Variants in DMXL2 observed in about 807,000 individuals in gnomAD.
DMXL2 encodes dmX-like protein 2.
DMXL2 carries 103 observed loss-of-function variants against 331.1 expected under a neutral mutation model. The observed-to-expected ratio is 0.31, with a 90% CI of 0.27 to 0.37. The LOEUF (loss-of-function observed/expected upper bound fraction) is 0.37, where lower values mean the gene tolerates loss of function less well. Ranked by LOEUF, DMXL2 falls within the 10% of genes least tolerant of loss-of-function variation. The probability of loss-of-function intolerance (pLI) is 1.00; values close to 1 mark genes in which losing one functional copy is unlikely to be tolerated. For synonymous variants in DMXL2, 1,281 were observed against 1,252.1 expected, an observed-to-expected ratio of 1.02 and a Z score of -0.49; for missense variants, 3,171 against 3,642.9, an observed-to-expected ratio of 0.87 and a Z score of 3.33.
chr15:51,501,605 G>C (rs919424632), intron 17 of DMXL2, among the ~76,000 whole-genome samples: 4 of 152,130 alleles, frequency 2.6e-5, no homozygotes, highest in African/African-American at 7.2e-5. Flanking sequence ...CCAAAGTGTA[G>C]GCAAGACACC....
chr15:51,564,013 G>T, intron 5 of DMXL2, 112 bp downstream of exon 5: 2 of 1,145,740 alleles, frequency 1.7e-6, no homozygotes, highest in Non-Finnish European at 1.2e-6. Flanking sequence ...TACTTTCTAG[G>T]CATCTAAATG....
chr15:51,458,656 T>A, intron 35 of DMXL2, 29 bp from the exon 36 acceptor site: 1 of 1,613,966 alleles, frequency 6.2e-7, no homozygotes, highest in Non-Finnish European at 8.5e-7. Context: ...ATCGATGATT[T>A]AAGCAATTTC....
intron 1 of DMXL2, among the ~76,000 whole-genome samples, chr15:51,595,754 G>C (rs912974435): frequency 6.6e-6 from 1 of 152,150 alleles, no homozygotes; most frequent in African/African-American, 2.4e-5. Flanking sequence ...AGAGCCCTCA[G>C]AAATAATGCC....
At chr15:51,498,063 T>G (rs1314776999) in intron 18 of DMXL2, among the ~76,000 whole-genome samples, 2 of 151,934 alleles carry the variant, frequency 1.3e-5, no homozygotes, top group African/African-American at 4.8e-5. Context: ...GGAGACCTAG[T>G]CCCTACAAAA....
chr15:51,569,583 G>A (rs1349517619), intron 2 of DMXL2, among the ~76,000 whole-genome samples: 1 of 152,142 alleles, frequency 6.6e-6, no homozygotes, highest in African/African-American at 2.4e-5. Flanking sequence ...GGAGAGCTCT[G>A]CCCGGCATCT....
At position 51,451,773 on chromosome 15, in the gene DMXL2, C is replaced by A. The variant is rs879209884; in HGVS notation, c.8697-76G>T. 3.1e-5 allele frequency: 41 copies of A among 1,307,012 alleles called. No homozygotes were observed. In the South Asian group the frequency reaches 4.9e-4, roughly 16 times the overall value. 81.0% of individuals were successfully genotyped at this position (1,307,012 alleles called of 1,614,324 possible). On this transcript the variant is annotated intron_variant, in intron 41 of 43. Transcript: ENST00000560891. Reference sequence around the variant, plus strand: ...TCGTCATCAGGGACAACCTGTCTTTCAGTCAAATATTTTGCTTATTCATTC... The same window carrying A: ...TCGTCATCAGGGACAACCTGTCTTTAAGTCAAATATTTTGCTTATTCATTC...
chr15:51,607,311 C>G (rs1156919479), intron 1 of DMXL2, among the ~76,000 whole-genome samples: 1 of 151,976 alleles, frequency 6.6e-6, no homozygotes, highest in East Asian at 1.9e-4. Flanking sequence ...AAAAAATTAG[C>G]CAGGCACGGT....
intron 8 of DMXL2, among the ~76,000 whole-genome samples, chr15:51,544,999 C>T (rs12441222): frequency 0.016 from 2,452 of 152,024 alleles, 59 homozygotes; most frequent in Middle Eastern, 0.057. Flanking sequence ...ATCATTTGTG[C>T]TATGTGTTAT....
chr15:51,499,258 A>G lies in DMXL2; in HGVS notation c.3966T>C (p.Phe1322=). ...VEGTAISDDV[F]CSPTVIQDGG... ...CATCTTGAATTACAGTTGGTGAACAAAAAACATCATCAGAAATAGCTGTTC... is the reference window on the plus strand; with the variant it reads ...CATCTTGAATTACAGTTGGTGAACAGAAAACATCATCAGAAATAGCTGTTC... Residue 1322 remains phenylalanine (F), a synonymous_variant, in exon 18 of 44, where the codon TTT becomes TTC. Transcript: ENST00000560891. The G allele has an allele frequency of 6.2e-7, 1 of 1,613,998 alleles. No homozygotes were observed. Among genetic ancestry groups the G allele is most frequent in the East Asian group, 2.2e-5 (1 of 44,874 alleles).
rs1465886664 is a variant in DMXL2 at position 51,622,740 on chromosome 15, C to A, written c.-195G>T. ...GCCATGGGAGCTCCTCGACCGCCGCCGCCGCCCGGGTCGCCGCTCAGCTGC... is the reference window on the plus strand; with the variant it reads ...GCCATGGGAGCTCCTCGACCGCCGCAGCCGCCCGGGTCGCCGCTCAGCTGC... On this transcript the variant is annotated 5_prime_UTR_variant, in exon 1 of 44. Coordinates refer to ENST00000560891, the MANE Select transcript of DMXL2 (RefSeq NM_001378457.1). The A allele has an allele frequency of 1.2e-5, 13 of 1,089,862 alleles. No homozygotes were observed. Among genetic ancestry groups the A allele is most frequent in the African/African-American group, 1.6e-5 (1 of 61,004 alleles). The allele number at this position is 1,089,862 out of a possible 1,614,324, so 67.5% of individuals were successfully genotyped here.
intron 32 of DMXL2, among the ~76,000 whole-genome samples, chr15:51,464,074 T>C (rs1464806371): frequency 6.6e-6 from 1 of 152,144 alleles, no homozygotes; most frequent in Non-Finnish European, 1.5e-5. Flanking sequence ...ATATATAGAT[T>C]GTTAGAAAAA....
At chr15:51,593,160 C>T (rs1018667841) in intron 1 of DMXL2, among the ~76,000 whole-genome samples, 1 of 152,168 alleles carries the variant, frequency 6.6e-6, no homozygotes, top group Non-Finnish European at 1.5e-5. Flanking sequence ...GTGCTGTATT[C>T]AGGAAACCCA....
At chr15:51,597,222 C>T (rs2052887568) in intron 1 of DMXL2, among the ~76,000 whole-genome samples, 1 of 152,144 alleles carries the variant, frequency 6.6e-6, no homozygotes, top group South Asian at 2.1e-4. Flanking sequence ...TAACCACCAC[C>T]CAAGAAGAGA....
rs768200194 is a variant in DMXL2, at chr15:51,536,630, A to G, written c.1850T>C (p.Ile617Thr). The G allele has an allele frequency of 6.2e-7, 1 of 1,614,118 alleles. No individual in the cohort carries two copies. The highest frequency in any genetic ancestry group is 8.5e-7 in the Non-Finnish European group (1 of 1,179,984). Residue 617 changes from isoleucine (I) to threonine (T), a missense_variant, in exon 12 of 44, where the codon ATA becomes ACA. Coordinates refer to ENST00000560891, the MANE Select transcript of DMXL2 (RefSeq NM_001378457.1). ...APTVMMISKH[I>T]DGSLNQWAVT... ...TGCCCACTGATTTAAAGAACCATCT[A>G]TGTGTTTAGAGATCATCATTACTGT...
At chr15:51,604,900 T>C (rs1226286703) in intron 1 of DMXL2, among the ~76,000 whole-genome samples, 1 of 152,160 alleles carries the variant, frequency 6.6e-6, no homozygotes, top group African/African-American at 2.4e-5. Flanking sequence ...GAGACATAGA[T>C]CAGTGCAACA....
chr15:51,545,284 A>T lies in DMXL2; in HGVS notation c.930+299T>A, dbSNP rs74013294. Among the ~76,000 whole-genome samples, 1,111 of 152,270 alleles carry T rather than the reference A, an allele frequency of 7.3e-3. 17 individuals carry two copies. The highest frequency in any genetic ancestry group is 0.026 in the African/African-American group (1,068 of 41,558). On this transcript the variant is annotated intron_variant, in intron 8 of 43. Coordinates refer to ENST00000560891, the MANE Select transcript of DMXL2 (RefSeq NM_001378457.1). ...CTAATACTTAGTCCCATAGATTTTC[A>T]CATGTGACATGCAAAACAAAAGAAT...
At position 51,465,784 on chromosome 15, in the gene DMXL2, A is replaced by T. The variant is rs567588846; in HGVS notation, c.7521-133T>A. On this transcript the variant is annotated intron_variant, in intron 30 of 43. Transcript: ENST00000560891. ...AAGCTGTCATTGAAATTTACTATGC[A>T]AAAATGGCACCTCTGTGGTCACTGA... 22 of 657,598 alleles carry T rather than the reference A, an allele frequency of 3.3e-5. No homozygotes were observed. In the African/African-American group the frequency reaches 3.6e-4, roughly 11 times the overall value. The allele number at this position is 657,598 out of a possible 1,614,324, so 40.7% of individuals were successfully genotyped here.
At chr15:51,525,144 G>A (rs973658911) in intron 13 of DMXL2, among the ~76,000 whole-genome samples, 1 of 151,830 alleles carries the variant, frequency 6.6e-6, no homozygotes, top group Non-Finnish European at 1.5e-5. Context: ...GACACACCCT[G>A]GGCCAGAAAG....
chr15:51,500,279 C>T (rs754538873), intron 17 of DMXL2, 48 bp from the exon 18 acceptor site: 19 of 1,497,684 alleles, frequency 1.3e-5, no homozygotes, highest in Non-Finnish European at 1.7e-5. Flanking sequence ...AATAAAGCCA[C>T]AAAATAATAT....
Sources: gnomAD v4.1 joint callset for allele counts (sites outside exome capture counted in the v4.1 genomes callset) on GRCh38, gnomAD v4.1.1 for gene constraint, MANE v1.5 for transcripts, NCBI Gene and HGNC (gene_info 2026-07-23, HGNC 2026-07-21) for gene names.